Variants in MYO16 observed in about 807,000 individuals in gnomAD.
The protein encoded by MYO16 is unconventional myosin-XVI.
A neutral mutation model predicts 205.3 loss-of-function variants in MYO16; 94 were observed. The observed-to-expected ratio is 0.46, with a 90% CI of 0.39 to 0.54. MYO16 has a LOEUF of 0.54. MYO16 is among the 20% of genes least tolerant of loss of function. MYO16 has a pLI of 0.00. For missense variants in MYO16, 2,315 were observed against 2,387.5 expected, an observed-to-expected ratio of 0.97 and a Z score of 0.63; for synonymous variants, 988 against 954.0, an observed-to-expected ratio of 1.04 and a Z score of -0.66.
intron 4 of MYO16, among the ~76,000 whole-genome samples, chr13:108,747,217 A>G (rs1456248818): frequency 2.0e-5 from 3 of 152,344 alleles, no homozygotes; most frequent in South Asian, 4.1e-4. Flanking sequence ...CTTTGACTAC[A>G]TGAAGAATAG....
intron 21 of MYO16, among the ~76,000 whole-genome samples, chr13:108,993,255 G>T (rs1245623643): frequency 6.6e-6 from 1 of 152,130 alleles, no homozygotes; most frequent in Admixed American, 6.6e-5. Context: ...ATGCAAGTCT[G>T]TGACTTTTAG....
At chr13:109,173,160 CACTT>C (rs1219302301) in intron 33 of MYO16, among the ~76,000 whole-genome samples, 2 of 152,174 alleles carry the variant, frequency 1.3e-5, no homozygotes, top group African/African-American at 4.8e-5. Flanking sequence ...TCAATCAAAA[CACTT>C]ACCAAGTGCA....
At chr13:108,885,210 C>T (rs941314856) in intron 13 of MYO16, among the ~76,000 whole-genome samples, 4 of 152,208 alleles carry the variant, frequency 2.6e-5, no homozygotes, top group African/African-American at 9.6e-5. Context: ...ACCTCTGCCT[C>T]CTGGGTTCAA....
chr13:108,740,583 G>A (rs1884872970), intron 4 of MYO16, among the ~76,000 whole-genome samples: 1 of 152,204 alleles, frequency 6.6e-6, no homozygotes, highest in African/African-American at 2.4e-5. Flanking sequence ...TCGAGGGTCA[G>A]GGACTCACTT....
At chr13:108,888,094 C>T (rs1438764084) in intron 13 of MYO16, among the ~76,000 whole-genome samples, 1 of 152,136 alleles carries the variant, frequency 6.6e-6, no homozygotes, top group Non-Finnish European at 1.5e-5. Flanking sequence ...GAACTTGTGT[C>T]ATATTCATTT....
rs146625561 is a variant in MYO16 at position 109,039,449 on chromosome 13, G to A, written c.2797-7467G>A. Among the ~76,000 whole-genome samples, 1,496 of 152,278 alleles carry A rather than the reference G, an allele frequency of 9.8e-3. 18 individuals are homozygous for A. Among genetic ancestry groups the A allele is most frequent in the South Asian group, 0.037 (176 of 4,820 alleles). On this transcript the variant is annotated intron_variant, in intron 23 of 34. Transcript: ENST00000457511. ...GTCCAGATGGACTATCTGCTCGGCC[G>A]TAAAGCAAAACTAAGCAAACTCAAA...
intron 27 of MYO16, among the ~76,000 whole-genome samples, chr13:109,090,882 C>T (rs539696484): frequency 1.4e-3 from 213 of 152,252 alleles, no homozygotes; most frequent in African/African-American, 4.6e-3. Context: ...TTATCCTTCC[C>T]GGCTCTCCAC....
At chr13:108,666,769 A>G (rs1445387547) in intron 2 of MYO16, among the ~76,000 whole-genome samples, 1 of 152,164 alleles carries the variant, frequency 6.6e-6, no homozygotes, top group Non-Finnish European at 1.5e-5. Flanking sequence ...AGATTACCCA[A>G]TGCAAATCTC....
At chr13:108,780,498 G>A (rs1361541333) in intron 4 of MYO16, among the ~76,000 whole-genome samples, 4 of 152,112 alleles carry the variant, frequency 2.6e-5, no homozygotes, top group African/African-American at 9.7e-5. Flanking sequence ...GAGAAGGAAA[G>A]AAGGAGTCTC....
At chr13:108,883,029 T>A in intron 12 of MYO16, 30 bp from the exon 13 acceptor site, 1 of 1,611,108 alleles carries the variant, frequency 6.2e-7, no homozygotes, top group Non-Finnish European at 8.5e-7. Flanking sequence ...TTCACTGAGG[T>A]TTTCCCCTTG....
the MYO16 span, among the ~76,000 whole-genome samples, chr13:108,547,635 C>A: frequency 2.4e-4 from 37 of 152,240 alleles, no homozygotes; most frequent in East Asian, 6.6e-3. Flanking sequence ...TGTACTATGG[C>A]AGTTATAAAG....
chr13:108,796,359 C>A (rs2138954158), intron 6 of MYO16, among the ~76,000 whole-genome samples: 1 of 152,272 alleles, frequency 6.6e-6, no homozygotes, highest in Non-Finnish European at 1.5e-5. Flanking sequence ...GTCAGTGTGG[C>A]AATTCCTCAG....
the MYO16 span, among the ~76,000 whole-genome samples, chr13:108,542,211 C>T: frequency 6.6e-6 from 1 of 151,974 alleles, no homozygotes; most frequent in Non-Finnish European, 1.5e-5. Flanking sequence ...AACAAACTAA[C>T]ACAGAAACAA....
At chr13:108,910,871 G>T (rs1228094816) in intron 16 of MYO16, among the ~76,000 whole-genome samples, 1 of 152,100 alleles carries the variant, frequency 6.6e-6, no homozygotes, top group African/African-American at 2.4e-5. Flanking sequence ...GCGGTGGGGG[G>T]CGGTGGTGGG....
chr13:109,038,753 A>G (rs903580581), intron 23 of MYO16, among the ~76,000 whole-genome samples: 3 of 152,026 alleles, frequency 2.0e-5, no homozygotes, highest in Non-Finnish European at 2.9e-5. Flanking sequence ...AATTTGTTAT[A>G]TTTTTTAAAT....
intron 20 of MYO16, among the ~76,000 whole-genome samples, chr13:108,988,870 C>G (rs916702777): frequency 2.2e-4 from 33 of 152,126 alleles, no homozygotes; most frequent in African/African-American, 8.0e-4. Flanking sequence ...GGGACCAGCA[C>G]CCGGCCTTCA....
chr13:108,612,600 C>T (rs776049299), intron 1 of MYO16, among the ~76,000 whole-genome samples: 3 of 152,012 alleles, frequency 2.0e-5, no homozygotes, highest in Non-Finnish European at 2.9e-5. Flanking sequence ...ACAGGAAACA[C>T]TCGAGGAAAT....
the MYO16 span, among the ~76,000 whole-genome samples, chr13:108,575,150 T>A: frequency 6.6e-6 from 1 of 152,204 alleles, no homozygotes; most frequent in Admixed American, 6.5e-5. Context: ...CTTTGAATCC[T>A]TAGACATATT....
intron 16 of MYO16, among the ~76,000 whole-genome samples, chr13:108,932,032 C>T (rs567589467): frequency 1.9e-4 from 29 of 152,192 alleles, no homozygotes; most frequent in Admixed American, 1.5e-3. Flanking sequence ...TGCTTCATTC[C>T]GGATAATTTC....
Sources: gnomAD v4.1 joint callset for allele counts (sites outside exome capture counted in the v4.1 genomes callset) on GRCh38, gnomAD v4.1.1 for gene constraint, MANE v1.5 for transcripts, NCBI Gene and HGNC (gene_info 2026-07-23, HGNC 2026-07-21) for gene names.